SPIDR: variants seen among roughly 807,000 people sequenced by gnomAD.
The protein encoded by SPIDR is DNA repair-scaffolding protein.
In SPIDR, 93 loss-of-function variants were observed where a neutral mutation model predicts 104.6. The observed-to-expected ratio is 0.89, with a 90% CI of 0.75 to 1.06. The LOEUF is 1.06. SPIDR is among the 50% of genes least tolerant of loss of function. The pLI is 0.00. For missense variants in SPIDR, 1,154 were observed against 1,111.2 expected, an observed-to-expected ratio of 1.04 and a Z score of -0.55; for synonymous variants, 431 against 416.9, an observed-to-expected ratio of 1.03 and a Z score of -0.41.
chr8:47,519,297 A>G (rs952481315), intron 8 of SPIDR, among the ~76,000 whole-genome samples: 2 of 152,150 alleles, frequency 1.3e-5, no homozygotes, highest in African/African-American at 2.4e-5. Flanking sequence ...GGCGCATGCC[A>G]CCATGCCCAA....
chr8:47,717,779 A>G (rs922643906), intron 16 of SPIDR, among the ~76,000 whole-genome samples: 3 of 152,344 alleles, frequency 2.0e-5, no homozygotes, highest in Middle Eastern at 6.8e-3. Flanking sequence ...AATGTAATCA[A>G]TAGGCAGTTT....
intron 10 of SPIDR, among the ~76,000 whole-genome samples, chr8:47,638,034 T>C (rs1478234979): frequency 6.6e-6 from 1 of 152,204 alleles, no homozygotes; most frequent in Non-Finnish European, 1.5e-5. Context: ...TTTATTTATT[T>C]TGTTGTTCAC....
At chr8:47,408,916 G>C (rs1554669174) in intron 7 of SPIDR, among the ~76,000 whole-genome samples, 1 of 152,246 alleles carries the variant, frequency 6.6e-6, no homozygotes, top group Non-Finnish European at 1.5e-5. Context: ...GACCGGGCAT[G>C]ATGGCTCACG....
intron 8 of SPIDR, among the ~76,000 whole-genome samples, chr8:47,474,910 A>T (rs1003872534): frequency 6.6e-6 from 1 of 152,224 alleles, no homozygotes; most frequent in African/African-American, 2.4e-5. Flanking sequence ...GTAACATTTA[A>T]TTCTTTGGCT....
At chr8:47,475,348 G>A (rs1260644487) in intron 8 of SPIDR, among the ~76,000 whole-genome samples, 1 of 152,196 alleles carries the variant, frequency 6.6e-6, no homozygotes, top group Non-Finnish European at 1.5e-5. Context: ...ATGAAAGATA[G>A]CAAAGATGTC....
At chr8:47,410,062 G>A (rs1268221552) in intron 7 of SPIDR, among the ~76,000 whole-genome samples, 4 of 151,912 alleles carry the variant, frequency 2.6e-5, no homozygotes, top group Admixed American at 6.6e-5. Context: ...CCCAGCTGTC[G>A]CTTAGCAATT....
At chr8:47,587,588 C>T (rs965004427) in intron 8 of SPIDR, among the ~76,000 whole-genome samples, 8 of 135,394 alleles carry the variant, frequency 5.9e-5, no homozygotes, top group South Asian at 4.7e-4. Context: ...CCAGCCTGGG[C>T]GACAGAGCAA....
At chr8:47,733,512 A>ACT (rs2085627622) in intron 19 of SPIDR, among the ~76,000 whole-genome samples, 2 of 152,154 alleles carry the variant, frequency 1.3e-5, no homozygotes, top group Admixed American at 1.3e-4. Context: ...ACTCCAGAAG[A>ACT]CCATAGGGTC....
intron 8 of SPIDR, among the ~76,000 whole-genome samples, chr8:47,474,815 T>A (rs547418723): frequency 2.6e-5 from 4 of 152,376 alleles, no homozygotes; most frequent in Non-Finnish European, 5.9e-5. Context: ...CAGTAGAATT[T>A]GTTATTTTCA....
chr8:47,511,758 A>G, intron 8 of SPIDR: 1 of 1,301,496 alleles, frequency 7.7e-7, no homozygotes, highest in Non-Finnish European at 1.1e-6. Flanking sequence ...CTACAGCTCC[A>G]TGCTCTTTGG....
intron 10 of SPIDR, among the ~76,000 whole-genome samples, chr8:47,653,626 A>T (rs1434461940): frequency 6.6e-6 from 1 of 152,206 alleles, no homozygotes; most frequent in Non-Finnish European, 1.5e-5. Context: ...CAAGGGCAGG[A>T]ACTATGTCTT....
intron 1 of SPIDR, among the ~76,000 whole-genome samples, chr8:47,269,742 T>C (rs1369514732): frequency 6.6e-6 from 1 of 152,292 alleles, no homozygotes; most frequent in East Asian, 1.9e-4. Context: ...TTCCTTCTTT[T>C]AGGGATAAAG....
chr8:47,486,424 A>C (rs1586534321), intron 8 of SPIDR, among the ~76,000 whole-genome samples: 1 of 152,130 alleles, frequency 6.6e-6, no homozygotes, highest in Non-Finnish European at 1.5e-5. Flanking sequence ...CCTGGAAAAC[A>C]CTCTGCGGAT....
intron 5 of SPIDR, among the ~76,000 whole-genome samples, chr8:47,320,977 C>T (rs1334340608): frequency 3.3e-5 from 5 of 152,052 alleles, no homozygotes; most frequent in Admixed American, 3.3e-4. Flanking sequence ...TATGACAAAC[C>T]CACAGCCAAT....
chr8:47,659,808 G>A (rs1177512139), intron 10 of SPIDR: 68 of 800,086 alleles, frequency 8.5e-5, no homozygotes, highest in Non-Finnish European at 1.0e-4. Context: ...ATTATAAAGT[G>A]GAGGGCAGGT....
chr8:47,392,024 AAAAG>A (rs2060657993), intron 5 of SPIDR, among the ~76,000 whole-genome samples: 1 of 151,492 alleles, frequency 6.6e-6, no homozygotes, highest in African/African-American at 2.4e-5. Flanking sequence ...GAAAGAAAAG[AAAAG>A]AAACCAAGAA....
chr8:47,646,386 C>G (rs971522551), intron 10 of SPIDR, among the ~76,000 whole-genome samples: 3 of 152,186 alleles, frequency 2.0e-5, no homozygotes, highest in Non-Finnish European at 4.4e-5. Flanking sequence ...GAATTTTAAA[C>G]AGGTCAGCTC....
chr8:47,302,831 C>G (rs1476955152), intron 5 of SPIDR, among the ~76,000 whole-genome samples: 1 of 152,150 alleles, frequency 6.6e-6, no homozygotes, highest in Non-Finnish European at 1.5e-5. Context: ...GAGTACCTGG[C>G]CATGTGAGGT....
chr8:47,679,538 A>C (rs1221483758), intron 11 of SPIDR, among the ~76,000 whole-genome samples: 8 of 68,878 alleles, frequency 1.2e-4, no homozygotes, highest in Non-Finnish European at 1.4e-4. Context: ...CCAGGTGCCC[A>C]CTTCCCCCAT....
Sources: allele counts gnomAD v4.1 joint callset (sites outside exome capture counted in the v4.1 genomes callset), GRCh38; gene constraint gnomAD v4.1.1; transcripts MANE v1.5; gene names NCBI Gene and HGNC (gene_info 2026-07-23, HGNC 2026-07-21).